KLHL18: variants seen among roughly 807,000 people sequenced by gnomAD.
KLHL18 encodes the protein kelch-like protein 18.
Under a neutral mutation model 58.5 loss-of-function variants are expected in KLHL18, and 38 were observed. The observed-to-expected ratio is 0.65, with a 90% CI of 0.50 to 0.85. KLHL18 has a LOEUF of 0.85. KLHL18 is among the 40% of genes least tolerant of loss of function. KLHL18 has a pLI of 0.00. For synonymous variants in KLHL18, 303 were observed against 301.9 expected (o/e 1.00, Z -0.04); for missense variants, 624 against 778.4 (o/e 0.80, Z 2.36).
chr3:47,323,117 C>A (rs1280637665), intron 3 of KLHL18, among the ~76,000 whole-genome samples: 1 of 151,576 alleles, frequency 6.6e-6, no homozygotes, highest in Non-Finnish European at 1.5e-5. Context: ...AAGACAGGAT[C>A]TTGCTCTGTC....
intron 4 of KLHL18, among the ~76,000 whole-genome samples, 169 bp downstream of exon 4, chr3:47,330,318 A>G (rs1032026931): frequency 1.3e-5 from 2 of 151,958 alleles, no homozygotes; most frequent in Non-Finnish European, 2.9e-5. Context: ...AAAACTTTCT[A>G]TGTTTTATTT....
chr3:47,320,424 T>C (rs1432639524), intron 2 of KLHL18, among the ~76,000 whole-genome samples: 1 of 152,220 alleles, frequency 6.6e-6, no homozygotes, highest in Non-Finnish European at 1.5e-5. Context: ...CTTATGGTTA[T>C]TTCATGGTTC....
At chr3:47,326,144 C>T (rs1485879712) in intron 3 of KLHL18, among the ~76,000 whole-genome samples, 1 of 152,050 alleles carries the variant, frequency 6.6e-6, no homozygotes, top group African/African-American at 2.4e-5. Context: ...GATGGGGTTT[C>T]ACCATGTTGG....
At chr3:47,342,102 T>C (rs1704122528) in intron 8 of KLHL18, among the ~76,000 whole-genome samples, 1 of 151,576 alleles carries the variant, frequency 6.6e-6, no homozygotes, top group Non-Finnish European at 1.5e-5. Flanking sequence ...AAAAAAAAAT[T>C]AAAAACCACA....
chr3:47,323,509 A>G (rs1264308472), intron 3 of KLHL18, among the ~76,000 whole-genome samples: 1 of 152,192 alleles, frequency 6.6e-6, no homozygotes, highest in African/African-American at 2.4e-5. Context: ...GGTTGGGACC[A>G]TGGATTATAC....
chr3:47,310,216 G>T (rs1285915942), intron 1 of KLHL18, among the ~76,000 whole-genome samples: 1 of 152,192 alleles, frequency 6.6e-6, no homozygotes, highest in East Asian at 1.9e-4. Context: ...CTGTGGTAGG[G>T]AACAGAATTT....
At chr3:47,291,832 G>C (rs1410637039) in intron 1 of KLHL18, among the ~76,000 whole-genome samples, 2 of 152,204 alleles carry the variant, frequency 1.3e-5, no homozygotes, top group African/African-American at 4.8e-5. Context: ...AGGTGATCAT[G>C]GGACTATACT....
chr3:47,324,614 C>G (rs1576170565), intron 3 of KLHL18, among the ~76,000 whole-genome samples: 1 of 151,848 alleles, frequency 6.6e-6, no homozygotes, highest in East Asian at 1.9e-4. Flanking sequence ...AGGAGGATTG[C>G]TTGAGGTTAG....
At chr3:47,292,795 A>G (rs1702816398) in intron 1 of KLHL18, among the ~76,000 whole-genome samples, 1 of 151,794 alleles carries the variant, frequency 6.6e-6, no homozygotes, top group Non-Finnish European at 1.5e-5. Context: ...AGTTCCAGCT[A>G]CTTGGGAGGC....
chr3:47,346,126 A>G lies in KLHL18; in HGVS notation c.*2185A>G, dbSNP rs2107673503. Reference sequence around the variant, plus strand: ...TAGCACCAACAAGCCTGGATTGTGAAGGTATTAAGAATCGGTCTGTGGGCT... The same window carrying G: ...TAGCACCAACAAGCCTGGATTGTGAGGGTATTAAGAATCGGTCTGTGGGCT... On this transcript the variant is annotated 3_prime_UTR_variant, in exon 10 of 10. Coordinates refer to ENST00000232766, the MANE Select transcript of KLHL18 (RefSeq NM_025010.5). 6.6e-6 allele frequency: 1 copy of G among 152,650 alleles called. No individual in the cohort carries two copies. The highest frequency in any genetic ancestry group is 6.5e-5 in the Admixed American group (1 of 15,288). 9.5% of individuals were successfully genotyped at this position (152,650 alleles called of 1,614,324 possible).
rs1039469110 is a variant in KLHL18 at position 47,313,910 on chromosome 3, C to G, written c.130-5743C>G. ...ATCTATAGAACATGATTCACAGTAG[C>G]TGCCTACTGCAGAGGGTTGCTGTGA... On this transcript the variant is annotated intron_variant, in intron 1 of 9. Transcript: ENST00000232766. Among the ~76,000 whole-genome samples the G allele has an allele frequency of 3.3e-5, 5 of 152,182 alleles. No individual in the cohort carries two copies. The South Asian group carries it at 1.0e-3, about 32-fold the overall frequency.
chr3:47,324,820 A>G (rs1383106461), intron 3 of KLHL18, among the ~76,000 whole-genome samples: 1 of 152,212 alleles, frequency 6.6e-6, no homozygotes, highest in Non-Finnish European at 1.5e-5. Flanking sequence ...CAACTGAGCA[A>G]GACTCTGTCT....
chr3:47,328,725 T>C (rs562153011), intron 3 of KLHL18, among the ~76,000 whole-genome samples: 2 of 152,262 alleles, frequency 1.3e-5, no homozygotes, highest in South Asian at 4.1e-4. Flanking sequence ...GTTACTACTT[T>C]ACAGGTTAAG....
chr3:47,314,913 A>G (rs1220362422), intron 1 of KLHL18, among the ~76,000 whole-genome samples: 4 of 152,154 alleles, frequency 2.6e-5, no homozygotes, highest in Non-Finnish European at 5.9e-5. Flanking sequence ...AGATAGGCCT[A>G]TCTTCTCTGT....
intron 3 of KLHL18, 64 bp downstream of exon 3, chr3:47,322,772 T>G: frequency 2.1e-6 from 3 of 1,459,074 alleles, no homozygotes; most frequent in Non-Finnish European, 2.7e-6. Flanking sequence ...CTTCTGCCAG[T>G]TTGCTGAGTT....
At chr3:47,325,105 C>T (rs1703683918) in intron 3 of KLHL18, among the ~76,000 whole-genome samples, 1 of 152,156 alleles carries the variant, frequency 6.6e-6, no homozygotes, top group Non-Finnish European at 1.5e-5. Flanking sequence ...CTCCCTGAGC[C>T]TCGCTACAGA....
chr3:47,317,057 T>A (rs952965993), intron 1 of KLHL18, among the ~76,000 whole-genome samples: 2 of 152,056 alleles, frequency 1.3e-5, no homozygotes, highest in Non-Finnish European at 2.9e-5. Flanking sequence ...TTGAGGGTAG[T>A]AAAGACATTT....
intron 3 of KLHL18, among the ~76,000 whole-genome samples, chr3:47,324,522 T>C (rs531459344): frequency 1.3e-5 from 2 of 151,972 alleles, no homozygotes; most frequent in East Asian, 1.9e-4. Context: ...AGTACTGTTA[T>C]CTAAAAGTTG....
intron 1 of KLHL18, among the ~76,000 whole-genome samples, chr3:47,318,734 T>C (rs190002383): frequency 1.4e-4 from 21 of 152,336 alleles, no homozygotes; most frequent in Admixed American, 9.8e-4. Context: ...TAGTTGTTGT[T>C]TTTTCTTTTG....
Sources: gnomAD v4.1 joint callset for allele counts (sites outside exome capture counted in the v4.1 genomes callset) on GRCh38, gnomAD v4.1.1 for gene constraint, MANE v1.5 for transcripts, NCBI Gene and HGNC (gene_info 2026-07-23, HGNC 2026-07-21) for gene names.